The following CLSTN2 variants were observed in gnomAD, a reference collection of about 807,000 sequenced individuals.
CLSTN2 encodes calsyntenin 2.
A neutral mutation model predicts 101.2 loss-of-function variants in CLSTN2; 48 were observed. The observed-to-expected ratio is 0.47, with a 90% CI of 0.38 to 0.60. The LOEUF (loss-of-function observed/expected upper bound fraction) is 0.60. Ranked by LOEUF, CLSTN2 falls within the 20% of genes least tolerant of loss-of-function variation. The probability of loss-of-function intolerance (pLI) is 0.00; values close to 1 mark genes in which losing one functional copy is unlikely to be tolerated. For synonymous variants in CLSTN2, 481 were observed against 463.6 expected (o/e 1.04, Z -0.48); for missense variants, 1,160 against 1,238.2 (o/e 0.94, Z 0.95).
At chr3:140,384,568 T>C (rs1213209683) in intron 2 of CLSTN2, among the ~76,000 whole-genome samples, 1 of 152,060 alleles carries the variant, frequency 6.6e-6, no homozygotes, top group African/African-American at 2.4e-5. Context: ...GCCTGGTGCA[T>C]GTTTAAGAAA....
At chr3:140,069,171 C>A (rs2008350511) in intron 1 of CLSTN2, among the ~76,000 whole-genome samples, 1 of 152,156 alleles carries the variant, frequency 6.6e-6, no homozygotes, top group African/African-American at 2.4e-5. Context: ...TTATCCTATC[C>A]TCATTCTCAG....
At chr3:139,972,079 C>T (rs1379943181) in intron 1 of CLSTN2, among the ~76,000 whole-genome samples, 1 of 152,118 alleles carries the variant, frequency 6.6e-6, no homozygotes, top group Non-Finnish European at 1.5e-5. Context: ...GCATGGCTAA[C>T]ACGGTGAGAC....
intron 2 of CLSTN2, among the ~76,000 whole-genome samples, chr3:140,326,674 T>A (rs2087334701): frequency 6.6e-6 from 1 of 152,216 alleles, no homozygotes; most frequent in African/African-American, 2.4e-5. Context: ...CCACCCTTTT[T>A]GTCCTGCTAT....
intron 1 of CLSTN2, among the ~76,000 whole-genome samples, chr3:140,083,779 G>A (rs1042758254): frequency 2.6e-5 from 4 of 152,224 alleles, no homozygotes; most frequent in African/African-American, 9.6e-5. Flanking sequence ...TCTGGTGGTA[G>A]TGCAGCCCAT....
rs2010358464 is a variant in CLSTN2, at chr3:140,178,518, T to A, written c.232+2445T>A. ...TCCATTTAAAGACAACTTCTATACT[T>A]CTATGATTTGCAGCTGCCTTAAAAG... On this transcript the variant is annotated intron_variant, in intron 2 of 16. Transcript: ENST00000458420. 3.9e-5 allele frequency among the ~76,000 whole-genome samples: 6 copies of A among 152,306 alleles called. No individual in the cohort carries two copies. The South Asian group carries it at 1.2e-3, about 32-fold the overall frequency.
At position 140,207,453 on chromosome 3, in the gene CLSTN2, C is replaced by G. The variant is rs146307343; in HGVS notation, c.232+31380C>G. On this transcript the variant is annotated intron_variant, in intron 2 of 16. Coordinates refer to ENST00000458420, the MANE Select transcript of CLSTN2 (RefSeq NM_022131.3). ...TTAATTCAGGCTACACTCAACTTAC[C>G]CTTTTGTCTTTCAGTGTCTTTAAAT... is the stretch of plus-strand genomic sequence containing the variant. Among the ~76,000 whole-genome samples, 947 of 152,188 alleles carry G rather than the reference C, an allele frequency of 6.2e-3. 12 individuals are homozygous for G. The highest frequency in any genetic ancestry group is 0.021 in the African/African-American group (862 of 41,496).
At chr3:140,564,498 G>T (rs1935992718) in intron 16 of CLSTN2, among the ~76,000 whole-genome samples, 1 of 152,196 alleles carries the variant, frequency 6.6e-6, no homozygotes, top group African/African-American at 2.4e-5. Context: ...CAGTATTGAA[G>T]TTTTGAGTAA....
chr3:140,388,278 C>A (rs1202405127), intron 2 of CLSTN2, among the ~76,000 whole-genome samples: 1 of 152,226 alleles, frequency 6.6e-6, no homozygotes, highest in Non-Finnish European at 1.5e-5. Flanking sequence ...AAGTTAGACT[C>A]ACTTTTAGGA....
intron 1 of CLSTN2, among the ~76,000 whole-genome samples, chr3:140,002,311 A>G (rs987738297): frequency 2.6e-5 from 4 of 152,250 alleles, no homozygotes; most frequent in Admixed American, 6.5e-5. Context: ...TCTGATGATC[A>G]GTGATGTTAA....
intron 5 of CLSTN2, among the ~76,000 whole-genome samples, chr3:140,422,650 C>T (rs2107992243): frequency 6.6e-6 from 1 of 152,300 alleles, no homozygotes; most frequent in South Asian, 2.1e-4. Flanking sequence ...GCAGAGTCAT[C>T]TTTGTGTCAG....
chr3:140,383,867 C>G (rs2088021150), intron 2 of CLSTN2, among the ~76,000 whole-genome samples: 1 of 152,192 alleles, frequency 6.6e-6, no homozygotes, highest in African/African-American at 2.4e-5. Context: ...ATTAGCATTG[C>G]TGGTCTGTGG....
chr3:140,451,909 A>T (rs1933260725), intron 6 of CLSTN2, among the ~76,000 whole-genome samples: 1 of 152,210 alleles, frequency 6.6e-6, no homozygotes, highest in Admixed American at 6.5e-5. Flanking sequence ...CAGGGAGACC[A>T]ATGAGGATAT....
At chr3:140,548,827 C>A (rs1336420540) in intron 10 of CLSTN2, among the ~76,000 whole-genome samples, 5 of 152,132 alleles carry the variant, frequency 3.3e-5, no homozygotes, top group Admixed American at 2.6e-4. Context: ...ACTGAAGGCT[C>A]AGGCAAGGGA....
At chr3:140,115,009 C>T (rs146624532) in intron 1 of CLSTN2, among the ~76,000 whole-genome samples, 158 of 152,258 alleles carry the variant, frequency 1.0e-3, no homozygotes, top group Non-Finnish European at 1.6e-3. Flanking sequence ...TGTGTAGTAT[C>T]TTCTCCTGCA....
intron 2 of CLSTN2, among the ~76,000 whole-genome samples, chr3:140,317,918 C>A (rs1177166257): frequency 6.6e-6 from 1 of 152,140 alleles, no homozygotes; most frequent in East Asian, 1.9e-4. Context: ...TCAGGACCAC[C>A]TTGTGCTGCT....
chr3:140,242,469 G>A (rs972035547), intron 2 of CLSTN2, among the ~76,000 whole-genome samples: 3 of 152,162 alleles, frequency 2.0e-5, no homozygotes, highest in African/African-American at 7.2e-5. Flanking sequence ...CCATATTGGA[G>A]CCCTGGTGTG....
At chr3:140,396,874 CACT>C (rs1156564445) in intron 2 of CLSTN2, among the ~76,000 whole-genome samples, 1 of 152,136 alleles carries the variant, frequency 6.6e-6, no homozygotes, top group Non-Finnish European at 1.5e-5. Context: ...GCTGGGGGGA[CACT>C]ATTATTGGTA....
chr3:140,561,141 C>A (rs996949464), intron 12 of CLSTN2, among the ~76,000 whole-genome samples: 3 of 151,714 alleles, frequency 2.0e-5, no homozygotes, highest in Admixed American at 2.0e-4. Context: ...ATATTTAGTA[C>A]ACTTTATAAA....
chr3:140,459,716 G>C lies in CLSTN2; in HGVS notation c.1169G>C (p.Ser390Thr). 1 of 1,614,148 alleles carries C rather than the reference G, an allele frequency of 6.2e-7. No homozygotes were observed. The highest frequency in any genetic ancestry group is 8.5e-7 in the Non-Finnish European group (1 of 1,180,012). Residue 390 changes from serine to threonine, a missense_variant, in exon 7 of 17, where the codon AGC becomes ACC. Physicochemically the swap from Ser to Thr is moderately conservative, Grantham distance 58. Coordinates refer to ENST00000458420, the MANE Select transcript of CLSTN2 (RefSeq NM_022131.3). ...TITMWMKHGPSPGVRAEKETI... is the reference protein window; with the variant it reads ...TITMWMKHGPTPGVRAEKETI... The stretch of plus-strand genomic sequence containing the variant: ...ACCATGTGGATGAAACACGGCCCCA[G>C]CCCTGGTGTGAGAGCCGAGAAGGAA...
Sources: allele counts gnomAD v4.1 joint callset (sites outside exome capture counted in the v4.1 genomes callset), GRCh38; gene constraint gnomAD v4.1.1; transcripts MANE v1.5; gene names NCBI Gene and HGNC (gene_info 2026-07-23, HGNC 2026-07-21).